The following SLC4A4 variants were observed in gnomAD, a reference collection of about 807,000 sequenced individuals.
The protein encoded by SLC4A4 is electrogenic sodium bicarbonate cotransporter 1.
SLC4A4 carries 27 observed loss-of-function variants against 111.5 expected under a neutral mutation model. The ratio of observed to expected loss-of-function variants is 0.24; its 90% CI spans 0.18 to 0.33. The LOEUF (loss-of-function observed/expected upper bound fraction) is 0.33, where lower values mean the gene tolerates loss of function less well. Ranked by LOEUF, SLC4A4 falls within the 10% of genes least tolerant of loss-of-function variation. The probability of loss-of-function intolerance (pLI) is 1.00; values close to 1 mark genes in which losing one functional copy is unlikely to be tolerated. For missense variants in SLC4A4, 909 were observed against 1,315.5 expected (o/e 0.69, Z 4.78); for synonymous variants, 443 against 463.4 (o/e 0.96, Z 0.57).
intron 2 of SLC4A4, among the ~76,000 whole-genome samples, chr4:71,155,238 A>C (rs1189519145): frequency 6.6e-6 from 1 of 152,140 alleles, no homozygotes; most frequent in Admixed American, 6.6e-5. Flanking sequence ...TTGAGATGAA[A>C]ATAATTTTAT....
chr4:71,295,582 T>A (rs890703183), intron 3 of SLC4A4, among the ~76,000 whole-genome samples: 2 of 152,208 alleles, frequency 1.3e-5, no homozygotes, highest in Non-Finnish European at 2.9e-5. Flanking sequence ...TTATTTTAAA[T>A]CAAAGATGCT....
intron 7 of SLC4A4, among the ~76,000 whole-genome samples, chr4:71,402,443 C>T (rs906878451): frequency 6.6e-6 from 1 of 152,170 alleles, no homozygotes. Flanking sequence ...ACCTCCTTTT[C>T]CTTTCCATGG....
chr4:71,322,267 A>G (rs563670049), intron 3 of SLC4A4, among the ~76,000 whole-genome samples: 1 of 152,094 alleles, frequency 6.6e-6, no homozygotes, highest in South Asian at 2.1e-4. Flanking sequence ...TCCAGGTAAT[A>G]TGGGTAGAAT....
At chr4:71,387,740 C>G (rs980922486) in intron 6 of SLC4A4, among the ~76,000 whole-genome samples, 1 of 152,080 alleles carries the variant, frequency 6.6e-6, no homozygotes, top group Non-Finnish European at 1.5e-5. Flanking sequence ...GTGATCTGCC[C>G]GCCTCGGCCT....
intron 2 of SLC4A4, among the ~76,000 whole-genome samples, chr4:71,093,976 A>G (rs1320917646): frequency 1.3e-5 from 2 of 152,302 alleles, no homozygotes; most frequent in Non-Finnish European, 2.9e-5. Flanking sequence ...GAGATTATTT[A>G]ACCAGCAGTT....
intron 24 of SLC4A4, among the ~76,000 whole-genome samples, chr4:71,564,722 T>C (rs1737309972): frequency 6.6e-6 from 1 of 151,938 alleles, no homozygotes; most frequent in Admixed American, 6.6e-5. Flanking sequence ...AAGACACTTT[T>C]ATTTCTATTT....
At chr4:71,457,058 T>C (rs1435073665) in intron 12 of SLC4A4, among the ~76,000 whole-genome samples, 1 of 152,104 alleles carries the variant, frequency 6.6e-6, no homozygotes, top group Non-Finnish European at 1.5e-5. Flanking sequence ...CAAATAGACA[T>C]GGGTGCTGGG....
intron 15 of SLC4A4, among the ~76,000 whole-genome samples, chr4:71,493,294 A>C (rs1730102528): frequency 6.6e-6 from 1 of 152,046 alleles, no homozygotes; most frequent in Non-Finnish European, 1.5e-5. Flanking sequence ...CCTGAAATTC[A>C]AATGTAACTG....
At chr4:71,353,234 A>G (rs187696164) in intron 5 of SLC4A4, among the ~76,000 whole-genome samples, 1 of 152,308 alleles carries the variant, frequency 6.6e-6, no homozygotes, top group East Asian at 1.9e-4. Context: ...AAAAATTGTC[A>G]TTACATGTTA....
rs79666779 is a variant in SLC4A4 at position 71,544,195 on chromosome 4, C to T, written c.2443-2155C>T. 2.5e-4 allele frequency among the ~76,000 whole-genome samples: 38 copies of T among 152,130 alleles called. No homozygotes were observed. The East Asian group carries it at 6.8e-3, about 27-fold the overall frequency. On this transcript the variant is annotated intron_variant, in intron 18 of 25. Transcript: ENST00000264485. ...ACATAAAGGAGGAGAACTAACCTAA[C>T]TTGACTTACTTATCTCACCTAGGTT...
chr4:71,258,668 C>A (rs1721633404), intron 3 of SLC4A4, among the ~76,000 whole-genome samples: 1 of 152,146 alleles, frequency 6.6e-6, no homozygotes, highest in Admixed American at 6.5e-5. Flanking sequence ...AGATAGAGAT[C>A]CAGCTGATTT....
chr4:71,198,586 T>G (rs1412651993), intron 1 of SLC4A4, among the ~76,000 whole-genome samples: 1 of 135,500 alleles, frequency 7.4e-6, no homozygotes, highest in Non-Finnish European at 1.6e-5. Context: ...AAGTGTAAAG[T>G]CTGAAAGGAG....
intron 2 of SLC4A4, among the ~76,000 whole-genome samples, chr4:71,136,838 G>A (rs930410814): frequency 3.9e-5 from 6 of 152,116 alleles, no homozygotes; most frequent in Non-Finnish European, 7.3e-5. Context: ...GTGCAACTTA[G>A]TATAAGGTTG....
At chr4:71,374,371 A>C (rs569124519) in intron 6 of SLC4A4, among the ~76,000 whole-genome samples, 1 of 152,320 alleles carries the variant, frequency 6.6e-6, no homozygotes, top group East Asian at 1.9e-4. Flanking sequence ...AGCTTTTCAT[A>C]GTCACAATTT....
intron 8 of SLC4A4, among the ~76,000 whole-genome samples, chr4:71,446,206 C>T (rs972068571): frequency 6.6e-6 from 1 of 152,056 alleles, no homozygotes; most frequent in Non-Finnish European, 1.5e-5. Context: ...ATTATACATT[C>T]AAGGGCATTT....
intron 13 of SLC4A4, among the ~76,000 whole-genome samples, chr4:71,470,798 A>G (rs191877724): frequency 5.5e-4 from 83 of 152,088 alleles, no homozygotes; most frequent in Admixed American, 2.2e-3. Context: ...TAGAACCAGG[A>G]AGAGCTGATG....
At chr4:71,312,143 C>A (rs1321460142) in intron 3 of SLC4A4, among the ~76,000 whole-genome samples, 2 of 152,166 alleles carry the variant, frequency 1.3e-5, no homozygotes, top group South Asian at 4.1e-4. Context: ...ACTATAAACA[C>A]CTCTAGCAAA....
intron 3 of SLC4A4, among the ~76,000 whole-genome samples, chr4:71,255,864 C>T (rs76042080): frequency 1.2e-4 from 18 of 152,148 alleles, no homozygotes; most frequent in African/African-American, 4.3e-4. Context: ...TGAGTCAGGT[C>T]AGTGATTTAA....
At chr4:71,414,316 A>G (rs563544723) in intron 7 of SLC4A4, among the ~76,000 whole-genome samples, 6 of 152,210 alleles carry the variant, frequency 3.9e-5, no homozygotes, top group Non-Finnish European at 8.8e-5. Context: ...GGCCTGAAGC[A>G]CCAGCCCTGA....
Sources: gnomAD v4.1 joint callset for allele counts (sites outside exome capture counted in the v4.1 genomes callset) on GRCh38, gnomAD v4.1.1 for gene constraint, MANE v1.5 for transcripts, NCBI Gene and HGNC (gene_info 2026-07-23, HGNC 2026-07-21) for gene names.